PDE4D: variants seen among roughly 807,000 people sequenced by gnomAD.
PDE4D encodes 3',5'-cyclic-AMP phosphodiesterase 4D.
Under a neutral mutation model 87.4 loss-of-function variants are expected in PDE4D, and 24 were observed. The ratio of observed to expected loss-of-function variants is 0.27; its 90% confidence interval spans 0.20 to 0.39. The LOEUF (loss-of-function observed/expected upper bound fraction) is 0.39, where lower values mean the gene tolerates loss of function less well. Among genes scored for constraint, PDE4D ranks in the 10% least tolerant of loss-of-function variants. PDE4D has a pLI of 1.00. For missense variants in PDE4D, 714 were observed against 1,041.0 expected, an observed-to-expected ratio of 0.69 and a Z score of 4.32; for synonymous variants, 384 against 383.2, an observed-to-expected ratio of 1.00 and a Z score of -0.02.
At chr5:60,223,618 T>C (rs549253388) in intron 1 of PDE4D, among the ~76,000 whole-genome samples, 53 of 152,220 alleles carry the variant, frequency 3.5e-4, no homozygotes, top group African/African-American at 1.2e-3. Context: ...GACACAATGG[T>C]TCTGATCACA....
intron 1 of PDE4D, among the ~76,000 whole-genome samples, chr5:60,433,357 A>G (rs1484164442): frequency 4.6e-5 from 7 of 152,234 alleles, no homozygotes; most frequent in Non-Finnish European, 1.0e-4. Context: ...AATGCAAATC[A>G]AAACCACAAT....
At chr5:60,158,129 T>C (rs768004703) in intron 2 of PDE4D, among the ~76,000 whole-genome samples, 1 of 152,218 alleles carries the variant, frequency 6.6e-6, no homozygotes, top group African/African-American at 2.4e-5. Context: ...CAGTCATGTG[T>C]CACTTAATAA....
At chr5:59,305,893 C>T (rs555002534) in intron 1 of PDE4D, among the ~76,000 whole-genome samples, 1 of 152,182 alleles carries the variant, frequency 6.6e-6, no homozygotes, top group Non-Finnish European at 1.5e-5. Flanking sequence ...CTGTATATAT[C>T]TGTTAAGTCC....
intron 1 of PDE4D, among the ~76,000 whole-genome samples, chr5:59,311,436 G>C (rs185608793): frequency 7.2e-6 from 1 of 138,216 alleles, no homozygotes; most frequent in Non-Finnish European, 1.5e-5. Flanking sequence ...AGGAAGTAGA[G>C]GTTGCAATGA....
intron 2 of PDE4D, among the ~76,000 whole-genome samples, chr5:60,175,543 C>G (rs1783834703): frequency 6.6e-6 from 1 of 152,080 alleles, no homozygotes. Flanking sequence ...CTTTTGGATT[C>G]TTAAAGAGGA....
intron 1 of PDE4D, among the ~76,000 whole-genome samples, chr5:59,854,103 C>T (rs1745065233): frequency 6.6e-6 from 1 of 151,950 alleles, no homozygotes. Flanking sequence ...AAGAATTTCC[C>T]ATAAATATTG....
In PDE4D at chr5:59,644,972, C is replaced by A. The variant is rs142409821; in HGVS notation, c.455+248196G>T. Among the ~76,000 whole-genome samples, 330 of 152,176 alleles carry A rather than the reference C, an allele frequency of 2.2e-3. 2 individuals are homozygous for A. Among genetic ancestry groups the A allele is most frequent in the African/African-American group, 6.5e-3 (270 of 41,522 alleles). On this transcript the variant is annotated intron_variant, in intron 1 of 14. Coordinates refer to ENST00000340635, the MANE Select transcript of PDE4D (RefSeq NM_001104631.2). ...AAGCCTACTGGAGCCCAGCTGTTTG[C>A]CCCCTGAAAAGATTATGCTATTCAA...
intron 1 of PDE4D, among the ~76,000 whole-genome samples, chr5:59,447,465 A>T (rs1371450253): frequency 6.6e-6 from 1 of 152,230 alleles, no homozygotes; most frequent in Non-Finnish European, 1.5e-5. Flanking sequence ...TGAATATCAC[A>T]TTGCTCCTGC....
intron 5 of PDE4D, among the ~76,000 whole-genome samples, chr5:59,071,286 A>G (rs1580645021): frequency 6.6e-6 from 1 of 152,076 alleles, no homozygotes; most frequent in South Asian, 2.1e-4. Flanking sequence ...TGCTCCAATT[A>G]ATGAGTTCTG....
At chr5:59,900,470 T>G (rs1752146291) in intron 3 of PDE4D, among the ~76,000 whole-genome samples, 1 of 152,100 alleles carries the variant, frequency 6.6e-6, no homozygotes, top group Non-Finnish European at 1.5e-5. Context: ...TTCCATATCT[T>G]ATTGAAAAGC....
intron 1 of PDE4D, among the ~76,000 whole-genome samples, chr5:59,442,997 A>G (rs1797867050): frequency 6.6e-6 from 1 of 152,224 alleles, no homozygotes; most frequent in Non-Finnish European, 1.5e-5. Flanking sequence ...TGACCTTAGA[A>G]AAACCCAGCA....
At chr5:59,500,714 A>C (rs1214035691) in intron 1 of PDE4D, among the ~76,000 whole-genome samples, 1 of 152,118 alleles carries the variant, frequency 6.6e-6, no homozygotes, top group Non-Finnish European at 1.5e-5. Flanking sequence ...CACGCAATTT[A>C]CCCATGTAAC....
At chr5:59,789,793 AG>A (rs1253386568) in intron 1 of PDE4D, among the ~76,000 whole-genome samples, 1 of 152,202 alleles carries the variant, frequency 6.6e-6, no homozygotes, top group Non-Finnish European at 1.5e-5. Context: ...GTTTGGGGTC[AG>A]CGTTCTTCTA....
intron 1 of PDE4D, among the ~76,000 whole-genome samples, chr5:59,271,145 T>G (rs571961045): frequency 6.6e-6 from 1 of 152,094 alleles, no homozygotes; most frequent in South Asian, 2.1e-4. Flanking sequence ...GTTGAAGCAA[T>G]TCTCATGCCT....
At chr5:59,153,934 A>T (rs1251517460) in intron 5 of PDE4D, among the ~76,000 whole-genome samples, 1 of 152,156 alleles carries the variant, frequency 6.6e-6, no homozygotes, top group Non-Finnish European at 1.5e-5. Flanking sequence ...CCAGGCAATT[A>T]TGAGAGAGAA....
chr5:59,416,329 G>A (rs1020640480), intron 1 of PDE4D, among the ~76,000 whole-genome samples: 1 of 152,140 alleles, frequency 6.6e-6, no homozygotes, highest in Non-Finnish European at 1.5e-5. Context: ...CTTGGATCTG[G>A]CCTGAGAAAA....
chr5:60,230,986 G>T (rs908871439), intron 1 of PDE4D, among the ~76,000 whole-genome samples: 1 of 152,054 alleles, frequency 6.6e-6, no homozygotes. Flanking sequence ...CATGGAGAAT[G>T]CAGTGATGAC....
At chr5:59,095,930 TTTTATTTCCCTTAAGTGTTCCGTA>T (rs1422741013) in intron 5 of PDE4D, among the ~76,000 whole-genome samples, 7 of 152,230 alleles carry the variant, frequency 4.6e-5, no homozygotes. Context: ...ATAGATTGCT[TTTTATTTCCCTTAAGTGTTCCGTA>T]TTTATTTCAC....
At chr5:59,044,892 G>A (rs1380673570) in intron 5 of PDE4D, among the ~76,000 whole-genome samples, 1 of 152,138 alleles carries the variant, frequency 6.6e-6, no homozygotes, top group Non-Finnish European at 1.5e-5. Context: ...TATGCCTCTA[G>A]TAGAATTTTT....
Sources: allele counts gnomAD v4.1 joint callset (sites outside exome capture counted in the v4.1 genomes callset), GRCh38; gene constraint gnomAD v4.1.1; transcripts MANE v1.5; gene names NCBI Gene and HGNC (gene_info 2026-07-23, HGNC 2026-07-21).